SERINC5: variants seen among roughly 807,000 people sequenced by gnomAD.
The protein encoded by SERINC5 is serine incorporator 5.
A neutral mutation model predicts 63.1 loss-of-function variants in SERINC5; 41 were observed. That is an observed-to-expected ratio of 0.65 (90% CI 0.51 to 0.84). SERINC5 has a LOEUF of 0.84. Ranked by LOEUF, SERINC5 falls within the 40% of genes least tolerant of loss-of-function variation. The pLI is 0.00. For missense variants in SERINC5, 523 were observed against 573.0 expected, an observed-to-expected ratio of 0.91 and a Z score of 0.89; for synonymous variants, 222 against 215.2, an observed-to-expected ratio of 1.03 and a Z score of -0.28.
At chr5:80,246,014 A>G (rs946476385) in intron 1 of SERINC5, among the ~76,000 whole-genome samples, 2 of 151,986 alleles carry the variant, frequency 1.3e-5, no homozygotes, top group Non-Finnish European at 2.9e-5. Flanking sequence ...AATAAGTCCA[A>G]CAAAGTCCTA....
chr5:80,163,399 C>T (rs879845303), intron 7 of SERINC5, among the ~76,000 whole-genome samples: 9 of 152,112 alleles, frequency 5.9e-5, no homozygotes, highest in Non-Finnish European at 1.0e-4. Flanking sequence ...AGGCAGGCAC[C>T]CTTATCTTGG....
chr5:80,227,268 AG>A (rs2112554307), intron 1 of SERINC5, among the ~76,000 whole-genome samples: 1 of 152,340 alleles, frequency 6.6e-6, no homozygotes, highest in South Asian at 2.1e-4. Flanking sequence ...AGACAAAATA[AG>A]TAGAGAAAAC....
Position 80,147,256 on chromosome 5 carries a change from G to C in SERINC5, c.1082C>G (p.Pro361Arg). ...AGCGCTCTGCTTACCCTCTCCACCAGGACTGAAGCAAAAACAACAGCGAGC... is the reference window on the plus strand; with the variant it reads ...AGCGCTCTGCTTACCCTCTCCACCACGACTGAAGCAAAAACAACAGCGAGC... Reference protein sequence around the residue: ...EIARCCFCFSPGGEDTEEQQP... With the variant: ...EIARCCFCFSRGGEDTEEQQP... The change falls in exon 10 of 12, where the codon CCT becomes CGT. Residue 361 changes from proline (P) to arginine (R), a missense_variant. Transcript: ENST00000507668. 1 of 1,604,332 alleles carries C rather than the reference G, an allele frequency of 6.2e-7. No individual in the cohort carries two copies. Among genetic ancestry groups the C allele is most frequent in the Non-Finnish European group, 8.5e-7 (1 of 1,175,936 alleles).
intron 7 of SERINC5, among the ~76,000 whole-genome samples, chr5:80,165,835 A>G (rs2112371628): frequency 6.6e-6 from 1 of 152,354 alleles, no homozygotes. Flanking sequence ...TCTGTCCTAC[A>G]CACCAGGAAG....
chr5:80,245,961 T>G (rs981689341), intron 1 of SERINC5, among the ~76,000 whole-genome samples: 2 of 54,548 alleles, frequency 3.7e-5, no homozygotes, highest in African/African-American at 1.4e-4. Context: ...GATTGTCAGC[T>G]CTTTAAAAAA....
At chr5:80,162,299 G>C (rs1387441514) in intron 7 of SERINC5, among the ~76,000 whole-genome samples, 2 of 152,150 alleles carry the variant, frequency 1.3e-5, no homozygotes, top group Non-Finnish European at 2.9e-5. Context: ...ACTGCTTTAG[G>C]CAATATGGTC....
At chr5:80,234,291 A>G (rs1751588753) in intron 1 of SERINC5, among the ~76,000 whole-genome samples, 1 of 152,196 alleles carries the variant, frequency 6.6e-6, no homozygotes, top group South Asian at 2.1e-4. Flanking sequence ...TCTTAGCACC[A>G]TTGTTTTAGG....
chr5:80,139,244 G>C lies in SERINC5; in HGVS notation c.*4419C>G, dbSNP rs2112277487. 2 of 972,364 alleles carry C rather than the reference G, an allele frequency of 2.1e-6. No individual in the cohort carries two copies. The highest frequency in any genetic ancestry group is 1.8e-5 in the African/African-American group (1 of 57,030). The allele number at this position is 972,364 out of a possible 1,614,324, so 60.2% of individuals were successfully genotyped here. ...TAGTTTTCTTTTTGCAAAGTAAAAAGGCTTAAATCTTTAATAAAGGAAAAC... is the reference window on the plus strand; with the variant it reads ...TAGTTTTCTTTTTGCAAAGTAAAAACGCTTAAATCTTTAATAAAGGAAAAC... On this transcript the variant is annotated 3_prime_UTR_variant, in exon 12 of 12. Coordinates refer to ENST00000507668, the MANE Select transcript of SERINC5 (RefSeq NM_001174072.3).
chr5:80,136,462 G>T (rs1745183185), downstream of SERINC5, among the ~76,000 whole-genome samples: 1 of 152,164 alleles, frequency 6.6e-6, no homozygotes, highest in Non-Finnish European at 1.5e-5. Context: ...TTTAATAAAT[G>T]GTGCTGGGAA....
At chr5:80,188,360 TTA>T (rs200935160) in intron 2 of SERINC5, among the ~76,000 whole-genome samples, 2,553 of 151,532 alleles carry the variant, frequency 0.017, 69 homozygotes, top group African/African-American at 0.059. Flanking sequence ...AGCAAAACAA[TTA>T]TATATTTTAC....
chr5:80,232,220 C>A (rs931587625), intron 1 of SERINC5, among the ~76,000 whole-genome samples: 11 of 146,432 alleles, frequency 7.5e-5, no homozygotes, highest in East Asian at 6.3e-4. Context: ...CTGGCTAACA[C>A]CGTAAAACCC....
At chr5:80,138,391 T>C (rs923583322), downstream of SERINC5, among the ~76,000 whole-genome samples, 3 of 151,114 alleles carry the variant, frequency 2.0e-5, no homozygotes, top group African/African-American at 7.3e-5. Context: ...TAGTCAGGAG[T>C]TCAAGACCAG....
chr5:80,248,001 C>A (rs1409251743), intron 1 of SERINC5, among the ~76,000 whole-genome samples: 1 of 151,898 alleles, frequency 6.6e-6, no homozygotes, highest in Admixed American at 6.6e-5. Flanking sequence ...TAGGCACACA[C>A]ACCACCATGC....
At chr5:80,220,928 G>C (rs1320084358) in intron 1 of SERINC5, among the ~76,000 whole-genome samples, 1 of 152,074 alleles carries the variant, frequency 6.6e-6, no homozygotes, top group Non-Finnish European at 1.5e-5. Context: ...GAAGAAATGG[G>C]GTCTTGAGCA....
intron 9 of SERINC5, among the ~76,000 whole-genome samples, chr5:80,148,413 C>T (rs143410420): frequency 3.9e-5 from 6 of 151,976 alleles, no homozygotes; most frequent in African/African-American, 1.2e-4. Flanking sequence ...TGGTCTCGAA[C>T]TCCAGGCCTC....
Position 80,143,577 on chromosome 5 carries a change from C to A in SERINC5, c.*86G>T. On this transcript the variant is annotated 3_prime_UTR_variant, in exon 12 of 12. Transcript: ENST00000507668. ...TTTTCAGACCCACTCAGGCACAGGG[C>A]GCCAGTCCCTGCCCCGGGGACACTG... is the stretch of plus-strand genomic sequence containing the variant. 6.9e-7 allele frequency: 1 copy of A among 1,449,264 alleles called. No individual in the cohort carries two copies. The highest frequency in any genetic ancestry group is 9.1e-7 in the Non-Finnish European group (1 of 1,099,140). The allele number at this position is 1,449,264 out of a possible 1,614,324, so 89.8% of individuals were successfully genotyped here.
chr5:80,199,314 C>T (rs1749690627), intron 2 of SERINC5, among the ~76,000 whole-genome samples: 1 of 152,216 alleles, frequency 6.6e-6, no homozygotes, highest in African/African-American at 2.4e-5. Context: ...GTTTCCCCAT[C>T]TGTAGGGCAG....
chr5:80,198,400 CCT>C (rs1749635040), intron 2 of SERINC5: 2 of 337,062 alleles, frequency 5.9e-6, no homozygotes, highest in Non-Finnish European at 8.4e-6. Flanking sequence ...CTTGCAGTCC[CCT>C]CTTACTCAAA....
intron 11 of SERINC5, among the ~76,000 whole-genome samples, chr5:80,123,104 A>T (rs866238999): frequency 6.6e-5 from 10 of 151,620 alleles, no homozygotes; most frequent in Non-Finnish European, 8.8e-5. Context: ...TTTGTCATCA[A>T]TTTTTCTTTG....
Sources: gnomAD v4.1 joint callset for allele counts (sites outside exome capture counted in the v4.1 genomes callset) on GRCh38, gnomAD v4.1.1 for gene constraint, MANE v1.5 for transcripts, NCBI Gene and HGNC (gene_info 2026-07-23, HGNC 2026-07-21) for gene names.